RAP2C: variants seen among roughly 807,000 people sequenced by gnomAD.
RAP2C encodes the protein RAP2C, member of RAS oncogene family.
RAP2C carries 3 observed loss-of-function variants against 8.9 expected under a neutral mutation model. That is an observed-to-expected ratio of 0.34 (90% CI 0.15 to 0.87). RAP2C has a LOEUF of 0.87. Ranked by LOEUF, RAP2C falls within the 40% of genes least tolerant of loss-of-function variation. The pLI, the probability that RAP2C is intolerant of heterozygous loss-of-function variation, is 0.51. For synonymous variants in RAP2C, 60 were observed against 52.1 expected, an observed-to-expected ratio of 1.15 and a Z score of -0.65; for missense variants, 76 against 133.7, an observed-to-expected ratio of 0.57 and a Z score of 2.13.
rs58119368 is a variant in RAP2C at position 132,204,980 on chromosome X, C to CAAAAAAAAAAAAAAAA, written c.*626_*641dup. On this transcript the variant is annotated 3_prime_UTR_variant, in exon 6 of 6. Coordinates refer to ENST00000370874, the MANE Select transcript of RAP2C (RefSeq NM_001271186.2). The stretch of plus-strand genomic sequence containing the variant: ...TGTAACCTTCAGAACATGTTAATTA[C>CAAAAAAAAAAAAAAAA]AAAAAAAAAAAAAAAAAAACAAAAC... The CAAAAAAAAAAAAAAAA allele has an allele frequency of 1.5e-4, 8 of 51,676 alleles. No individual in the cohort carries two copies. The highest frequency in any genetic ancestry group is 2.1e-4 in the African/African-American group (3 of 14,144). The allele number at this position is 51,676 out of a possible 1,213,427, so 4.3% of individuals were successfully genotyped here.
chrX:132,217,749 CCA>C lies in RAP2C; in HGVS notation c.-483_-482del, dbSNP rs1930671326. On this transcript the variant is annotated 5_prime_UTR_variant, in exon 4 of 6. Coordinates refer to ENST00000370874, the MANE Select transcript of RAP2C (RefSeq NM_001271186.2). ...CCGGCTCAGGCCTGAGGGCTCCGTTCCAGTTACCGCTGCCCGGGCGGGTTTCT... is the reference window on the plus strand; with the variant it reads ...CCGGCTCAGGCCTGAGGGCTCCGTTCGTTACCGCTGCCCGGGCGGGTTTCT... 1 of 114,372 alleles carries C rather than the reference CCA, an allele frequency of 8.7e-6. No homozygotes were observed. Among genetic ancestry groups the C allele is most frequent in the African/African-American group, 3.2e-5 (1 of 31,267 alleles). The allele number at this position is 114,372 out of a possible 1,213,427, so 9.4% of individuals were successfully genotyped here.
chrX:132,206,317 G>C (rs140173027), intron 5 of RAP2C, among the ~76,000 whole-genome samples: 61 of 111,782 alleles, frequency 5.5e-4, no homozygotes, highest in African/African-American at 1.9e-3. Context: ...TTCCACTTGG[G>C]TCTGCCCTTT....
chrX:132,208,612 CATTAA>C (rs201421185), intron 5 of RAP2C, among the ~76,000 whole-genome samples: 2,312 of 109,168 alleles, frequency 0.021, 33 homozygotes, highest in Non-Finnish European at 0.034. Flanking sequence ...TTTAATAAAA[CATTAA>C]ATTATTTTAA....
At chrX:132,211,111 G>A (rs1312695660) in intron 5 of RAP2C, among the ~76,000 whole-genome samples, 1 of 110,717 alleles carries the variant, frequency 9.0e-6, no homozygotes, top group Admixed American at 9.6e-5. Context: ...AATGGGGGAT[G>A]AGGAAGATGC....
chrX:132,208,475 AAGTT>A (rs1223656124), intron 5 of RAP2C, among the ~76,000 whole-genome samples: 2 of 110,880 alleles, frequency 1.8e-5, no homozygotes, highest in East Asian at 2.8e-4. Context: ...TACAAGTTAA[AAGTT>A]AGTTGTATTA....
rs1010108322 is a variant in RAP2C, at chrX:132,204,993, A to C, written c.*629T>G. On this transcript the variant is annotated 3_prime_UTR_variant, in exon 6 of 6. Transcript: ENST00000370874. ...ACATGTTAATTACAAAAAAAAAAAA[A>C]AAAAAACAAAACACATCACAAACTG... 1.1e-4 allele frequency: 12 copies of C among 110,386 alleles called. No individual in the cohort carries two copies. Among genetic ancestry groups the C allele is most frequent in the African/African-American group, 2.0e-4 (6 of 30,396 alleles). 9.1% of individuals were successfully genotyped at this position (110,386 alleles called of 1,213,427 possible).
At chrX:132,210,514 T>C (rs1249913126) in intron 5 of RAP2C, among the ~76,000 whole-genome samples, 2 of 111,487 alleles carry the variant, frequency 1.8e-5, no homozygotes, top group African/African-American at 3.3e-5. Flanking sequence ...GAACCAAGAA[T>C]CTCCCTTTTT....
chrX:132,214,282 C>T lies in RAP2C; in HGVS notation c.438G>A (p.Ser146=), dbSNP rs149666159. The change falls in exon 5 of 6, where the codon TCG becomes TCA. Residue 146 remains serine, a synonymous_variant. Transcript: ENST00000370874. ...QEWGCPFMET[S]AKSKSMVDEL... ...CATCCACCATTGATTTACTTTTTGC[C>T]GATGTCTCCATGAAAGGACAGCCCC... is the stretch of plus-strand genomic sequence containing the variant. The T allele has an allele frequency of 9.6e-5, 116 of 1,210,239 alleles. No individual in the cohort carries two copies. The African/African-American group carries it at 1.5e-3, about 16-fold the overall frequency.
chrX:132,214,394 A>G lies in RAP2C; in HGVS notation c.326T>C (p.Val109Ala). The G allele has an allele frequency of 8.3e-7, 1 of 1,211,092 alleles. No individual in the cohort carries two copies. Among genetic ancestry groups the G allele is most frequent in the Non-Finnish European group, 1.1e-6 (1 of 894,820 alleles). The change falls in exon 5 of 6, where the codon GTC becomes GCC. Residue 109 changes from valine (V) to alanine (A), a missense_variant. By Grantham distance (64) the Val-to-Ala change is moderately conservative. Coordinates refer to ENST00000370874, the MANE Select transcript of RAP2C (RefSeq NM_001271186.2). ...QIVRVKRYEK[V>A]PLILVGNKVD... ...TTTATTTCCTACTAGGATTAGTGGGACTTTTTCATATCTCTTCACTCTGAC... is the reference window on the plus strand; with the variant it reads ...TTTATTTCCTACTAGGATTAGTGGGGCTTTTTCATATCTCTTCACTCTGAC...
In RAP2C at chrX:132,203,751, CTTAAA is replaced by C. The variant is rs1353522031; in HGVS notation, c.*1866_*1870del. 2 of 111,930 alleles carry C rather than the reference CTTAAA, an allele frequency of 1.8e-5. No homozygotes were observed. Among genetic ancestry groups the C allele is most frequent in the Non-Finnish European group, 3.8e-5 (2 of 53,057 alleles). 9.2% of individuals were successfully genotyped at this position (111,930 alleles called of 1,213,427 possible). A position where few individuals can be genotyped will look rare whatever the true frequency, so the allele number is the denominator to read the frequency against. On this transcript the variant is annotated 3_prime_UTR_variant, in exon 6 of 6. Coordinates refer to ENST00000370874, the MANE Select transcript of RAP2C (RefSeq NM_001271186.2). ...TTTAAGTTTGGTATTAAAGTGCAAA[CTTAAA>C]TTAAGTATTCACTTCAAGCAGTTCA...
At chrX:132,218,120 C>T (rs1380568122) in intron 2 of RAP2C, 108 bp from the exon 3 acceptor site, 1 of 80,508 alleles carries the variant, frequency 1.2e-5, no homozygotes, top group Non-Finnish European at 2.5e-5. Flanking sequence ...ACCCCCACCC[C>T]CACCCCCACC....
At position 132,217,351 on chromosome X, in the gene RAP2C, G is replaced by A; in HGVS notation, c.-83C>T. The A allele has an allele frequency of 1.1e-6, 1 of 947,798 alleles. No homozygotes were observed. The highest frequency in any genetic ancestry group is 1.4e-6 in the Non-Finnish European group (1 of 716,679). The allele number at this position is 947,798 out of a possible 1,213,427, so 78.1% of individuals were successfully genotyped here. On this transcript the variant is annotated 5_prime_UTR_variant, in exon 4 of 6. Transcript: ENST00000370874. ...GGCGCGGCTAGACGAGGCGGAAGGT[G>A]GGCGGAAATCTGCGAACTGGGGAGG...
Position 132,203,356 on chromosome X carries a change from T to A in RAP2C, c.*2266A>T, listed in dbSNP as rs2124117066. The A allele has an allele frequency of 8.9e-6, 1 of 111,745 alleles. No individual in the cohort carries two copies. Among genetic ancestry groups the A allele is most frequent in the East Asian group, 2.8e-4 (1 of 3,567 alleles). The allele number at this position is 111,745 out of a possible 1,213,427, so 9.2% of individuals were successfully genotyped here. A position where few individuals can be genotyped will look rare whatever the true frequency, so the allele number is the denominator to read the frequency against. ...TTATCCTAATAAGCAACATGCAATC[T>A]ATTGAGGAAGCTAAAATAACTTTTG... On this transcript the variant is annotated 3_prime_UTR_variant, in exon 6 of 6. Transcript: ENST00000370874.
chrX:132,216,973 A>C, intron 4 of RAP2C, 23 bp downstream of exon 4: 1 of 1,110,536 alleles, frequency 9.0e-7, no homozygotes, highest in Non-Finnish European at 1.2e-6. Context: ...CTTCTAACAA[A>C]TTACAAGACT....
chrX:132,211,013 C>A (rs1017680495), intron 5 of RAP2C, among the ~76,000 whole-genome samples: 1 of 110,471 alleles, frequency 9.1e-6, no homozygotes, highest in Non-Finnish European at 1.9e-5. Context: ...TGCTATTGCT[C>A]CCAATATCTC....
At position 132,217,445 on chromosome X, in the gene RAP2C, C is replaced by T; in HGVS notation, c.-177G>A. The T allele has an allele frequency of 6.6e-6, 1 of 151,752 alleles. No individual in the cohort carries two copies. The highest frequency in any genetic ancestry group is 1.2e-5 in the Non-Finnish European group (1 of 82,852). 12.5% of individuals were successfully genotyped at this position (151,752 alleles called of 1,213,427 possible). On this transcript the variant is annotated 5_prime_UTR_variant, in exon 4 of 6. Transcript: ENST00000370874. ...GTTACAGGAGGGGGAGGGGAAAGAG[C>T]GTAGAGTCGGGGAGGGTGGGGAAGG...
chrX:132,205,466 G>A lies in RAP2C; in HGVS notation c.*156C>T, dbSNP rs1042521674. 1 of 111,859 alleles carries A rather than the reference G, an allele frequency of 8.9e-6. No individual in the cohort carries two copies. Among genetic ancestry groups the A allele is most frequent in the Middle Eastern group, 4.6e-3 (1 of 216 alleles). 9.2% of individuals were successfully genotyped at this position (111,859 alleles called of 1,213,427 possible). The stretch of plus-strand genomic sequence containing the variant: ...GGATCTTGAAGGCCAAAGACCTTAT[G>A]CACTTAAATAGATGTATGGCAACAT... On this transcript the variant is annotated 3_prime_UTR_variant, in exon 6 of 6. Coordinates refer to ENST00000370874, the MANE Select transcript of RAP2C (RefSeq NM_001271186.2).
chrX:132,217,302 G>T lies in RAP2C; in HGVS notation c.-34C>A. On this transcript the variant is annotated 5_prime_UTR_variant, in exon 4 of 6. Coordinates refer to ENST00000370874, the MANE Select transcript of RAP2C (RefSeq NM_001271186.2). The stretch of plus-strand genomic sequence containing the variant: ...CCTTCACCAACTCCTACCAGAGGGG[G>T]GGAAAGATCACCCCGCTAGCTGTGG... The T allele has an allele frequency of 9.4e-7, 1 of 1,060,003 alleles. No individual in the cohort carries two copies. The highest frequency in any genetic ancestry group is 1.2e-6 in the Non-Finnish European group (1 of 813,911). The allele number at this position is 1,060,003 out of a possible 1,213,427, so 87.4% of individuals were successfully genotyped here.
At chrX:132,215,735 G>GA (rs967643847) in intron 4 of RAP2C, among the ~76,000 whole-genome samples, 5 of 111,811 alleles carry the variant, frequency 4.5e-5, no homozygotes, top group African/African-American at 9.7e-5. Context: ...ATCCTTTAGG[G>GA]AAAAAATGCC....
Sources: allele counts gnomAD v4.1 joint callset (sites outside exome capture counted in the v4.1 genomes callset), GRCh38; gene constraint gnomAD v4.1.1; transcripts MANE v1.5; gene names NCBI Gene and HGNC (gene_info 2026-07-23, HGNC 2026-07-21).